The following LRRTM3 variants were observed in gnomAD, a reference collection of about 807,000 sequenced individuals.
LRRTM3 encodes leucine-rich repeat transmembrane neuronal protein 3.
In LRRTM3, 24 loss-of-function variants were observed where a neutral mutation model predicts 44.7. The ratio of observed to expected loss-of-function variants is 0.54; its 90% confidence interval spans 0.39 to 0.76. The LOEUF (loss-of-function observed/expected upper bound fraction) is 0.76. Ranked by LOEUF, LRRTM3 falls within the 30% of genes least tolerant of loss-of-function variation. The pLI is 0.00. For missense variants in LRRTM3, 587 were observed against 702.2 expected (o/e 0.84, Z 1.85); for synonymous variants, 277 against 278.7 (o/e 0.99, Z 0.06).
intron 2 of LRRTM3, among the ~76,000 whole-genome samples, chr10:66,938,822 T>C (rs1015661350): frequency 8.5e-5 from 13 of 152,182 alleles, no homozygotes; most frequent in Non-Finnish European, 1.6e-4. Context: ...CTACAAAAAA[T>C]TGAGACAAAG....
chr10:67,096,579 G>T (rs1333854922), intron 2 of LRRTM3, among the ~76,000 whole-genome samples: 1 of 151,822 alleles, frequency 6.6e-6, no homozygotes, highest in Non-Finnish European at 1.5e-5. Context: ...AGGACTGAAG[G>T]TTCCTGAAAT....
intron 2 of LRRTM3, among the ~76,000 whole-genome samples, chr10:66,960,933 G>A (rs1849074733): frequency 6.6e-6 from 1 of 152,060 alleles, no homozygotes; most frequent in Non-Finnish European, 1.5e-5. Context: ...TTTTGCTAAG[G>A]ACTACTAGTT....
At chr10:66,966,668 T>A (rs1849430314) in intron 2 of LRRTM3, among the ~76,000 whole-genome samples, 1 of 152,086 alleles carries the variant, frequency 6.6e-6, no homozygotes, top group African/African-American at 2.4e-5. Flanking sequence ...CAAAATAAGA[T>A]GTTCTTCTAC....
Position 67,098,063 on chromosome 10 carries a change from C to T in LRRTM3, c.*267C>T. 3 of 436,054 alleles carry T rather than the reference C, an allele frequency of 6.9e-6. No individual in the cohort carries two copies. In the South Asian group the frequency reaches 7.6e-5, roughly 11 times the overall value. The allele number at this position is 436,054 out of a possible 1,614,324, so 27.0% of individuals were successfully genotyped here. A position where few individuals can be genotyped will look rare whatever the true frequency, so the allele number is the denominator to read the frequency against. On this transcript the variant is annotated 3_prime_UTR_variant, in exon 3 of 3. Coordinates refer to ENST00000361320, the MANE Select transcript of LRRTM3 (RefSeq NM_178011.5). ...ATAAAAGAATCTTTTTTTTTCAAAA[C>T]TCATCCTACCTACCTGTAAAAACTG...
intron 2 of LRRTM3, among the ~76,000 whole-genome samples, chr10:67,026,575 A>G (rs58884711): frequency 0.01 from 1,588 of 152,256 alleles, 28 homozygotes; most frequent in African/African-American, 0.035. Context: ...AGCTCCTTAT[A>G]TATTAGTCAA....
intron 2 of LRRTM3, among the ~76,000 whole-genome samples, chr10:67,057,540 T>A (rs1014803510): frequency 6.6e-6 from 1 of 152,170 alleles, no homozygotes; most frequent in Non-Finnish European, 1.5e-5. Context: ...GTCTGGCTTA[T>A]TTCACTTAGT....
intron 2 of LRRTM3, among the ~76,000 whole-genome samples, chr10:67,017,406 A>T (rs1000449824): frequency 6.6e-6 from 1 of 152,186 alleles, no homozygotes; most frequent in Non-Finnish European, 1.5e-5. Context: ...CTCTGGAAAG[A>T]AGAACAGAGT....
chr10:67,061,325 A>G (rs572716550), intron 2 of LRRTM3, among the ~76,000 whole-genome samples: 314 of 152,340 alleles, frequency 2.1e-3, no homozygotes, highest in African/African-American at 7.3e-3. Context: ...TGCTACACCA[A>G]TATGTGAACT....
Position 66,928,420 on chromosome 10 carries a change from AC to A in LRRTM3, c.1506del (p.Tyr503IlefsTer15). 1 of 1,611,276 alleles carries A rather than the reference AC, an allele frequency of 6.2e-7. No homozygotes were observed. The highest frequency in any genetic ancestry group is 8.5e-7 in the Non-Finnish European group (1 of 1,179,098). On this transcript the variant is annotated frameshift_variant, in exon 2 of 3. Transcript: ENST00000361320. LOFTEE classifies it high-confidence loss of function. ...GCTGCTGAATGGGACGGGACCCTGC[AC>A]CTATAACAAATCGGGCTCCAGGGAG... ...EMLLNGTGPC[T>X]YNKSGSRECE...
At chr10:66,973,900 G>T (rs1405203298) in intron 2 of LRRTM3, among the ~76,000 whole-genome samples, 2 of 152,130 alleles carry the variant, frequency 1.3e-5, no homozygotes, top group African/African-American at 4.8e-5. Context: ...GGGATTACAG[G>T]CGTGAACCAC....
chr10:67,006,886 C>T (rs144562761), intron 2 of LRRTM3, among the ~76,000 whole-genome samples: 7 of 152,116 alleles, frequency 4.6e-5, no homozygotes, highest in South Asian at 2.1e-4. Context: ...CTCTACTTCC[C>T]GGGTTCAAGG....
At chr10:67,018,637 T>C (rs1046755420) in intron 2 of LRRTM3, among the ~76,000 whole-genome samples, 2 of 152,196 alleles carry the variant, frequency 1.3e-5, no homozygotes, top group African/African-American at 4.8e-5. Flanking sequence ...TGGGTGTGAA[T>C]CCTGATCCAT....
intron 2 of LRRTM3, among the ~76,000 whole-genome samples, chr10:67,085,094 C>T (rs1200152160): frequency 6.6e-6 from 1 of 151,860 alleles, no homozygotes; most frequent in Non-Finnish European, 1.5e-5. Flanking sequence ...TAATTGCATT[C>T]AATATCTACT....
chr10:67,077,816 T>A (rs1202733463), intron 2 of LRRTM3, among the ~76,000 whole-genome samples: 1 of 152,002 alleles, frequency 6.6e-6, no homozygotes, highest in Non-Finnish European at 1.5e-5. Flanking sequence ...ATTAAATGAA[T>A]GAATTAATAA....
Position 66,927,726 on chromosome 10 carries a change from AC to A in LRRTM3, c.813del (p.Ser272ValfsTer53), listed in dbSNP as rs1847154158. On this transcript the variant is annotated frameshift_variant, in exon 2 of 3. Coordinates refer to ENST00000361320, the MANE Select transcript of LRRTM3 (RefSeq NM_178011.5). LOFTEE classifies it high-confidence loss of function. This position sits in a 1 kb window ranked among gnomAD's most constrained non-coding sequence, Gnocchi z 4.7. ...SGNEIEAFSG[P>X]SVFQCVPNLQ... ...GCAATGAGATCGAAGCTTTCAGTGG[AC>A]CCAGTGTTTTCCAGTGTGTCCCGAA... 6.2e-7 allele frequency: 1 copy of A among 1,614,022 alleles called. No homozygotes were observed. Among genetic ancestry groups the A allele is most frequent in the Admixed American group, 1.7e-5 (1 of 59,994 alleles).
rs1281245221 is a variant in LRRTM3 at position 67,100,511 on chromosome 10, C to T, written c.*2715C>T. 6.6e-6 allele frequency among the ~76,000 whole-genome samples: 1 copy of T among 151,708 alleles called. No homozygotes were observed. Among genetic ancestry groups the T allele is most frequent in the Non-Finnish European group, 1.5e-5 (1 of 67,816 alleles). Reference sequence around the variant, plus strand: ...AATTTATTTCAGTTTTTGTCTAAAACTTGCATTTCTAACCTATCTTTTCCA... The same window carrying T: ...AATTTATTTCAGTTTTTGTCTAAAATTTGCATTTCTAACCTATCTTTTCCA... On this transcript the variant is annotated 3_prime_UTR_variant, in exon 3 of 3. Coordinates refer to ENST00000361320, the MANE Select transcript of LRRTM3 (RefSeq NM_178011.5).
At chr10:67,015,276 G>T (rs1190619093) in intron 2 of LRRTM3, 2 of 152,066 alleles carry the variant, frequency 1.3e-5, no homozygotes, top group Non-Finnish European at 2.9e-5. Flanking sequence ...TCCATAGATA[G>T]ATTTGATGCT....
chr10:66,929,543 G>A (rs1007647118), intron 2 of LRRTM3, among the ~76,000 whole-genome samples: 1 of 152,120 alleles, frequency 6.6e-6, no homozygotes, highest in Non-Finnish European at 1.5e-5. Flanking sequence ...ATTCCAAGAC[G>A]TGCCTTCCAC....
intron 2 of LRRTM3, among the ~76,000 whole-genome samples, chr10:67,061,931 T>C (rs760341703): frequency 7.1e-6 from 1 of 141,464 alleles, no homozygotes; most frequent in African/African-American, 2.7e-5. Flanking sequence ...AGAAAATTTA[T>C]AAGAAAGCTT....
Sources: allele counts gnomAD v4.1 joint callset (sites outside exome capture counted in the v4.1 genomes callset), GRCh38; gene constraint gnomAD v4.1.1; non-coding constraint Gnocchi (gnomAD v3.1); transcripts MANE v1.5; gene names NCBI Gene and HGNC (gene_info 2026-07-23, HGNC 2026-07-21).